Variants in PLEKHA8 observed in about 807,000 individuals in gnomAD.
PLEKHA8 encodes pleckstrin homology domain-containing family A member 8.
Under a neutral mutation model 68.2 loss-of-function variants are expected in PLEKHA8, and 36 were observed. That is an observed-to-expected ratio of 0.53 (90% confidence interval 0.40 to 0.70). PLEKHA8 has a LOEUF of 0.70. PLEKHA8 is among the 30% of genes least tolerant of loss of function. The pLI is 0.00. For missense variants in PLEKHA8, 505 were observed against 615.4 expected (o/e 0.82, Z 1.90); for synonymous variants, 211 against 216.1 (o/e 0.98, Z 0.20).
intron 13 of PLEKHA8, among the ~76,000 whole-genome samples, chr7:30,096,901 A>T (rs935062095): frequency 2.6e-5 from 4 of 152,190 alleles, no homozygotes; most frequent in African/African-American, 7.2e-5. Context: ...TCGTTAGTTG[A>T]TGCAGTTTCT....
rs938513269 is a variant in PLEKHA8, at chr7:30,079,550, A to T, written c.*763A>T. 3 of 922,934 alleles carry T rather than the reference A, an allele frequency of 3.3e-6. No homozygotes were observed. Among genetic ancestry groups the T allele is most frequent in the Non-Finnish European group, 3.9e-6 (3 of 773,066 alleles). 57.2% of individuals were successfully genotyped at this position (922,934 alleles called of 1,614,324 possible). A position where few individuals can be genotyped will look rare whatever the true frequency, so the allele number is the denominator to read the frequency against. On this transcript the variant is annotated 3_prime_UTR_variant, in exon 14 of 14. Coordinates refer to ENST00000449726, the MANE Select transcript of PLEKHA8 (RefSeq NM_001197026.2). ...GTTCCCCATGCATTATCTCAATTGGACATCACAAGTAATGATACCCAGAGG... is the reference window on the plus strand; with the variant it reads ...GTTCCCCATGCATTATCTCAATTGGTCATCACAAGTAATGATACCCAGAGG...
In PLEKHA8 at chr7:30,084,171, A is replaced by T; in HGVS notation, c.*5384A>T. 1 of 985,328 alleles carries T rather than the reference A, an allele frequency of 1.0e-6. No homozygotes were observed. The highest frequency in any genetic ancestry group is 1.2e-6 in the Non-Finnish European group (1 of 829,796). The allele number at this position is 985,328 out of a possible 1,614,324, so 61.0% of individuals were successfully genotyped here. A position where few individuals can be genotyped will look rare whatever the true frequency, so the allele number is the denominator to read the frequency against. ...TAACAAATTAATGTCTACATAAAGA[A>T]GAAACATGATAGACCAGATGCCAAA... On this transcript the variant is annotated 3_prime_UTR_variant, in exon 14 of 14. Transcript: ENST00000449726.
At chr7:30,036,771 G>A (rs1051019267) in intron 1 of PLEKHA8, among the ~76,000 whole-genome samples, 1 of 152,184 alleles carries the variant, frequency 6.6e-6, no homozygotes, top group African/African-American at 2.4e-5. Flanking sequence ...TTGAGGCTGG[G>A]ATCTTTTCTC....
At position 30,049,370 on chromosome 7, in the gene PLEKHA8, C is replaced by CAAGTCCAGCAAGGTAA. The variant is rs1239768194; in HGVS notation, c.595_597+13dup. ...CAGGATCACCTCAGCTGGCCATGCT[C>CAAGTCCAGCAAGGTAA]AAGTCCAGCAAGGTAAAAGTCCAGC... On this transcript the variant is annotated frameshift_variant, in exon 5 of 14. Transcript: ENST00000449726. LOFTEE classifies it high-confidence loss of function. 6.2e-7 allele frequency: 1 copy of CAAGTCCAGCAAGGTAA among 1,613,626 alleles called. No homozygotes were observed. Among genetic ancestry groups the CAAGTCCAGCAAGGTAA allele is most frequent in the African/African-American group, 1.3e-5 (1 of 74,904 alleles).
chr7:30,128,337 G>C (rs374645319), intron 13 of PLEKHA8, among the ~76,000 whole-genome samples: 1 of 152,056 alleles, frequency 6.6e-6, no homozygotes, highest in South Asian at 2.1e-4. Context: ...AAACACCTGA[G>C]CTCAAGCAAT....
At chr7:30,055,470 C>A in intron 9 of PLEKHA8, 128 bp downstream of exon 9, 1 of 746,992 alleles carries the variant, frequency 1.3e-6, no homozygotes, top group East Asian at 2.6e-5. Flanking sequence ...TTCAAATCAC[C>A]AGACACATAC....
intron 13 of PLEKHA8, among the ~76,000 whole-genome samples, chr7:30,126,805 G>C (rs374407741): frequency 6.6e-6 from 1 of 152,164 alleles, no homozygotes. Context: ...GTCAGATCTC[G>C]TGAGAGTTAT....
chr7:30,129,613 A>AT (rs1796838959), downstream of PLEKHA8: 9 of 368,334 alleles, frequency 2.4e-5, no homozygotes, highest in Admixed American at 4.0e-5. Context: ...GGTCACTGCT[A>AT]TAAGAACTTT....
chr7:30,055,469 C>G lies in PLEKHA8; in HGVS notation c.1039+127C>G, dbSNP rs867785659. The G allele has an allele frequency of 6.6e-5, 51 of 775,432 alleles. No homozygotes were observed. In the Middle Eastern group the frequency reaches 1.2e-3, roughly 18 times the overall value. The allele number at this position is 775,432 out of a possible 1,614,324, so 48.0% of individuals were successfully genotyped here. On this transcript the variant is annotated intron_variant, in intron 9 of 13. Coordinates refer to ENST00000449726, the MANE Select transcript of PLEKHA8 (RefSeq NM_001197026.2). ...GACCCTTGGCTATTTGTTCAAATCACCAGACACATACAGTTAAAACTGTGT... is the reference window on the plus strand; with the variant it reads ...GACCCTTGGCTATTTGTTCAAATCAGCAGACACATACAGTTAAAACTGTGT...
At chr7:30,090,138 T>G in intron 12 of PLEKHA8, 1 of 1,547,900 alleles carries the variant, frequency 6.5e-7, no homozygotes, top group Non-Finnish European at 8.7e-7. Context: ...ATTAAAAGAG[T>G]GCACTATGTT....
At chr7:30,121,520 T>A (rs1343973722) in intron 13 of PLEKHA8, among the ~76,000 whole-genome samples, 1 of 152,042 alleles carries the variant, frequency 6.6e-6, no homozygotes, top group Non-Finnish European at 1.5e-5. Flanking sequence ...TCCCAGCTAC[T>A]TGGGGGGCTG....
intron 6 of PLEKHA8, among the ~76,000 whole-genome samples, chr7:30,051,722 C>G (rs1432612245): frequency 6.6e-6 from 1 of 152,144 alleles, no homozygotes; most frequent in Non-Finnish European, 1.5e-5. Flanking sequence ...GCCTATAATC[C>G]CAGCACTTTG....
At chr7:30,089,798 G>T (rs1391437847) in intron 12 of PLEKHA8, among the ~76,000 whole-genome samples, 2 of 152,088 alleles carry the variant, frequency 1.3e-5, no homozygotes, top group African/African-American at 4.8e-5. Context: ...CAAGCACTCA[G>T]GAGCCAGTGA....
intron 13 of PLEKHA8, among the ~76,000 whole-genome samples, chr7:30,097,589 GCTGATACCCTTT>G (rs774870626): frequency 6.6e-6 from 1 of 151,898 alleles, no homozygotes; most frequent in Non-Finnish European, 1.5e-5. Flanking sequence ...GTCTTCCATT[GCTGATACCCTTT>G]CTTCCAGTTG....
intron 11 of PLEKHA8, 115 bp from the exon 12 acceptor site, chr7:30,062,557 T>C: frequency 1.3e-6 from 1 of 749,782 alleles, no homozygotes; most frequent in Non-Finnish European, 2.4e-6. Context: ...ATTTGACCTA[T>C]TCACTGCTGT....
At chr7:30,115,089 T>G (rs1796385318) in intron 13 of PLEKHA8, among the ~76,000 whole-genome samples, 1 of 152,090 alleles carries the variant, frequency 6.6e-6, no homozygotes, top group Non-Finnish European at 1.5e-5. Context: ...TACCACTCAC[T>G]TCTCTCTTTG....
chr7:30,049,312 C>G lies in PLEKHA8; in HGVS notation c.527C>G (p.Ala176Gly). 6.2e-7 allele frequency: 1 copy of G among 1,614,082 alleles called. No individual in the cohort carries two copies. Among genetic ancestry groups the G allele is most frequent in the Non-Finnish European group, 8.5e-7 (1 of 1,180,024 alleles). The change falls in exon 5 of 14, where the codon GCC (alanine) becomes GGC (glycine). Residue 176 changes from alanine (A) to glycine (G), a missense_variant. Ala to Gly is a moderately conservative substitution (Grantham distance 60). Coordinates refer to ENST00000449726, the MANE Select transcript of PLEKHA8 (RefSeq NM_001197026.2). ...GAATGCATGCAGATCGCAAATGCAG[C>G]CTTCACCTCTGAGCTGCTCTACCGC... ...LEECMQIANA[A>G]FTSELLYRTP... is the part of the protein sequence containing the mutation.
At chr7:30,073,751 G>A (rs1347816320) in intron 12 of PLEKHA8, among the ~76,000 whole-genome samples, 1 of 151,914 alleles carries the variant, frequency 6.6e-6, no homozygotes, top group African/African-American at 2.4e-5. Flanking sequence ...GCTTTAGGAG[G>A]GCAAGGTGGG....
rs1192377741 is a variant in PLEKHA8 at position 30,049,068 on chromosome 7, A to T, written c.439-156A>T. The T allele has an allele frequency of 6.1e-6, 5 of 821,598 alleles. No individual in the cohort carries two copies. In the African/African-American group the frequency reaches 8.7e-5, roughly 14 times the overall value. The allele number at this position is 821,598 out of a possible 1,614,324, so 50.9% of individuals were successfully genotyped here. ...AATAGTGCTGATAGTTACTTGATTA[A>T]TAGATAAATTGGGCTTTTCTTTTAT... is the stretch of plus-strand genomic sequence containing the variant. On this transcript the variant is annotated intron_variant, in intron 4 of 13. Coordinates refer to ENST00000449726, the MANE Select transcript of PLEKHA8 (RefSeq NM_001197026.2).
Sources: gnomAD v4.1 joint callset for allele counts (sites outside exome capture counted in the v4.1 genomes callset) on GRCh38, gnomAD v4.1.1 for gene constraint, MANE v1.5 for transcripts, NCBI Gene and HGNC (gene_info 2026-07-23, HGNC 2026-07-21) for gene names.